The following PCDH11X variants were observed in gnomAD, a reference collection of about 807,000 sequenced individuals.
PCDH11X encodes the protein protocadherin 11 X-linked.
Under a neutral mutation model 53.3 loss-of-function variants are expected in PCDH11X, and 18 were observed. That is an observed-to-expected ratio of 0.34 (90% confidence interval 0.23 to 0.50). The LOEUF (loss-of-function observed/expected upper bound fraction) is 0.50. PCDH11X is among the 20% of genes least tolerant of loss of function. The pLI is 0.98. For missense variants in PCDH11X, 570 were observed against 1,032.4 expected (o/e 0.55, Z 6.14); for synonymous variants, 279 against 393.3 (o/e 0.71, Z 3.44).
intron 6 of PCDH11X, among the ~76,000 whole-genome samples, chrX:92,050,752 C>T (rs886936111): frequency 3.6e-5 from 4 of 109,949 alleles, no homozygotes; most frequent in Admixed American, 2.0e-4. Context: ...ACAGAGTTAA[C>T]GAATAATACA....
chrX:92,156,048 A>G (rs939523213), intron 6 of PCDH11X, among the ~76,000 whole-genome samples: 3 of 110,608 alleles, frequency 2.7e-5, no homozygotes, highest in Non-Finnish European at 5.7e-5. Flanking sequence ...TTCTCCGTTC[A>G]GAACACACTA....
intron 10 of PCDH11X, among the ~76,000 whole-genome samples, chrX:92,598,946 G>T (rs868054778): frequency 7.4e-4 from 81 of 109,304 alleles, no homozygotes; most frequent in African/African-American, 2.6e-3. Flanking sequence ...AATAAGATCA[G>T]CATTGCATGT....
intron 6 of PCDH11X, among the ~76,000 whole-genome samples, chrX:91,979,178 C>T (rs2062089137): frequency 9.3e-6 from 1 of 107,502 alleles, no homozygotes; most frequent in Admixed American, 1.0e-4. Context: ...AATAGATAAC[C>T]ATAATAAAAT....
intron 6 of PCDH11X, among the ~76,000 whole-genome samples, chrX:91,985,517 T>C (rs1230421346): frequency 8.9e-6 from 1 of 111,762 alleles, no homozygotes; most frequent in Admixed American, 9.5e-5. Flanking sequence ...AATAAGTAAA[T>C]AAATAAAAAT....
intron 10 of PCDH11X, among the ~76,000 whole-genome samples, chrX:92,525,027 T>C (rs188427263): frequency 1.5e-3 from 166 of 111,695 alleles, no homozygotes; most frequent in African/African-American, 5.2e-3. Context: ...AATCCTTAAA[T>C]GGAAACTTGG....
chrX:92,515,755 C>A (rs1168788940), intron 10 of PCDH11X, among the ~76,000 whole-genome samples: 1 of 110,283 alleles, frequency 9.1e-6, no homozygotes, highest in African/African-American at 3.3e-5. Context: ...AGCTACCCAC[C>A]ATATTGAAAG....
chrX:92,205,604 T>C (rs867961035), intron 7 of PCDH11X, among the ~76,000 whole-genome samples: 1 of 100,250 alleles, frequency 1.0e-5, no homozygotes, highest in African/African-American at 3.9e-5. Flanking sequence ...AATGTTTTTT[T>C]TTTTTTTTTT....
At chrX:91,948,918 G>A (rs772692738) in intron 6 of PCDH11X, among the ~76,000 whole-genome samples, 1 of 111,082 alleles carries the variant, frequency 9.0e-6, no homozygotes, top group South Asian at 3.8e-4. Flanking sequence ...AGACACCAAG[G>A]ATGGGGGACT....
At chrX:92,240,267 C>A (rs1041320669) in intron 7 of PCDH11X, among the ~76,000 whole-genome samples, 1 of 111,613 alleles carries the variant, frequency 9.0e-6, no homozygotes, top group African/African-American at 3.3e-5. Flanking sequence ...GGGAACAATT[C>A]TCTGTGTCTA....
intron 7 of PCDH11X, among the ~76,000 whole-genome samples, chrX:92,202,266 T>A (rs1434187021): frequency 9.0e-6 from 1 of 111,264 alleles, no homozygotes; most frequent in East Asian, 2.8e-4. Context: ...ATTTGAGGCA[T>A]TTTTCCCTTA....
intron 7 of PCDH11X, among the ~76,000 whole-genome samples, chrX:92,224,351 AT>A (rs200432522): frequency 1.8e-5 from 2 of 111,006 alleles, no homozygotes; most frequent in African/African-American, 3.3e-5. Flanking sequence ...GAGATATTAG[AT>A]TTTTTTTTAA....
chrX:92,521,664 C>T (rs1372429205), intron 10 of PCDH11X, among the ~76,000 whole-genome samples: 1 of 110,764 alleles, frequency 9.0e-6, no homozygotes, highest in East Asian at 2.8e-4. Context: ...GACTTCTTTT[C>T]TCTATGAAAG....
chrX:92,213,683 C>A (rs915865451), intron 7 of PCDH11X, among the ~76,000 whole-genome samples: 1 of 111,611 alleles, frequency 9.0e-6, no homozygotes, highest in Admixed American at 9.6e-5. Flanking sequence ...TGAGCTCCCA[C>A]AGCAGATGAA....
At chrX:92,111,902 G>A (rs774890681) in intron 6 of PCDH11X, among the ~76,000 whole-genome samples, 13 of 109,488 alleles carry the variant, frequency 1.2e-4, no homozygotes, top group Non-Finnish European at 2.3e-4. Context: ...GACTACAGGC[G>A]CCCGCCACCT....
intron 9 of PCDH11X, among the ~76,000 whole-genome samples, chrX:92,412,015 AGAG>A (rs1179667383): frequency 2.0e-4 from 7 of 34,239 alleles, no homozygotes; most frequent in East Asian, 9.7e-4. Context: ...AAGAAGAAGA[AGAG>A]GAGGAGGGGT....
intron 10 of PCDH11X, among the ~76,000 whole-genome samples, chrX:92,609,378 A>G (rs1358196747): frequency 2.7e-5 from 3 of 111,587 alleles, no homozygotes; most frequent in South Asian, 3.7e-4. Flanking sequence ...AGCAGCATCA[A>G]TTGAAGATTC....
intron 7 of PCDH11X, among the ~76,000 whole-genome samples, chrX:92,233,421 T>G (rs2067118024): frequency 8.9e-6 from 1 of 111,883 alleles, no homozygotes; most frequent in East Asian, 2.8e-4. Context: ...TTAGTTGTCA[T>G]GCAAGGTTAG....
intron 7 of PCDH11X, among the ~76,000 whole-genome samples, chrX:92,208,557 C>T (rs1328462019): frequency 5.1e-5 from 2 of 39,492 alleles, no homozygotes; most frequent in Non-Finnish European, 9.8e-5. Flanking sequence ...TTAAAGGAGG[C>T]TCTTTCTGGT....
At chrX:92,374,848 C>T (rs1366973944) in intron 8 of PCDH11X, among the ~76,000 whole-genome samples, 2 of 109,471 alleles carry the variant, frequency 1.8e-5, no homozygotes, top group Admixed American at 2.0e-4. Flanking sequence ...TCTTGTTTAT[C>T]CATATTTAAA....
Sources: allele counts gnomAD v4.1 joint callset (sites outside exome capture counted in the v4.1 genomes callset), GRCh38; gene constraint gnomAD v4.1.1; transcripts MANE v1.5; gene names NCBI Gene and HGNC (gene_info 2026-07-23, HGNC 2026-07-21).